The following THSD1 variants were observed in gnomAD, a reference collection of about 807,000 sequenced individuals.
The protein encoded by THSD1 is thrombospondin type-1 domain-containing protein 1.
A neutral mutation model predicts 46.3 loss-of-function variants in THSD1; 34 were observed. The ratio of observed to expected loss-of-function variants is 0.74; its 90% CI spans 0.56 to 0.98. The LOEUF (loss-of-function observed/expected upper bound fraction) is 0.98, where lower values mean the gene tolerates loss of function less well. Ranked by LOEUF, THSD1 falls within the 50% of genes least tolerant of loss-of-function variation. The probability of loss-of-function intolerance (pLI) is 0.00; values close to 1 mark genes in which losing one functional copy is unlikely to be tolerated. For missense variants in THSD1, 1,023 were observed against 1,058.3 expected (o/e 0.97, Z 0.46); for synonymous variants, 407 against 416.5 (o/e 0.98, Z 0.28).
At chr13:52,394,067 G>A (rs547190608) in intron 3 of THSD1, among the ~76,000 whole-genome samples, 2 of 152,178 alleles carry the variant, frequency 1.3e-5, no homozygotes, top group South Asian at 4.2e-4. Context: ...CCTCCACCTA[G>A]ACACACAGAG....
At chr13:52,403,236 A>G (rs1399455345) in intron 1 of THSD1, among the ~76,000 whole-genome samples, 1 of 152,194 alleles carries the variant, frequency 6.6e-6, no homozygotes, top group Admixed American at 6.5e-5. Flanking sequence ...TTTTTAAAAA[A>G]AAGATACCCC....
At chr13:52,385,296 G>A (rs949820379) in intron 4 of THSD1, among the ~76,000 whole-genome samples, 1 of 152,186 alleles carries the variant, frequency 6.6e-6, no homozygotes, top group South Asian at 2.1e-4. Context: ...GTCAGGAGGC[G>A]GGATGGTGTG....
intron 4 of THSD1, chr13:52,384,003 G>T (rs1482298381): frequency 2.3e-5 from 6 of 258,422 alleles, no homozygotes; most frequent in Non-Finnish European, 3.1e-5. Context: ...GGGAGTTCGA[G>T]ACTAGCCTGA....
intron 4 of THSD1, among the ~76,000 whole-genome samples, chr13:52,379,584 C>T (rs897810371): frequency 6.6e-6 from 1 of 152,088 alleles, no homozygotes; most frequent in African/African-American, 2.4e-5. Flanking sequence ...AAGTGATTCT[C>T]CCGCCTCAGC....
chr13:52,394,046 C>A (rs1482247350), intron 3 of THSD1, among the ~76,000 whole-genome samples: 1 of 152,104 alleles, frequency 6.6e-6, no homozygotes, highest in Non-Finnish European at 1.5e-5. Flanking sequence ...CCACAGGGAG[C>A]CCCTGACTAC....
intron 3 of THSD1, 64 bp from the exon 4 acceptor site, chr13:52,386,250 C>A: frequency 6.6e-7 from 1 of 1,513,064 alleles, no homozygotes; most frequent in Non-Finnish European, 9.0e-7. Context: ...TAACTGCACC[C>A]AAATGAAACA....
rs1159794379 is a variant in THSD1 at position 52,377,880 on chromosome 13, G to A, written c.2090C>T (p.Pro697Leu). The change falls in exon 5 of 5, where the codon CCT becomes CTT. Residue 697 changes from proline to leucine, a missense_variant. Pro to Leu is a moderately conservative substitution (Grantham distance 98). Around this residue, in one of 3 missense-constraint regions of THSD1, gnomAD observed 578 missense variants for 497.4 expected, o/e 1.16. Coordinates refer to ENST00000258613, the MANE Select transcript of THSD1 (RefSeq NM_018676.4). ...AAACAGGTGGGCACCTCGACTCTGA[G>A]GCCTAAATCTGTCCTCTGCCTGCTC... ...TCEQAEDRFR[P>L]QSRGAHLFPE... is the part of the protein sequence containing the mutation. The A allele has an allele frequency of 1.2e-6, 2 of 1,614,098 alleles. No individual in the cohort carries two copies. Among genetic ancestry groups the A allele is most frequent in the African/African-American group, 1.3e-5 (1 of 74,936 alleles).
At chr13:52,396,570 T>A (rs1957813933) in intron 3 of THSD1, among the ~76,000 whole-genome samples, 1 of 152,048 alleles carries the variant, frequency 6.6e-6, no homozygotes, top group Admixed American at 6.6e-5. Context: ...AACGAGACCA[T>A]TTCTGCCAAA....
At position 52,397,626 on chromosome 13, in the gene THSD1, C is replaced by T. The variant is rs144420262; in HGVS notation, c.627G>A (p.Leu209=). 5.7e-4 allele frequency: 917 copies of T among 1,614,034 alleles called. No individual in the cohort carries two copies. The highest frequency in any genetic ancestry group is 7.3e-4 in the Non-Finnish European group (860 of 1,180,022). Residue 209 remains leucine (L), a synonymous_variant, in exon 3 of 5, where the codon TTG becomes TTA. Coordinates refer to ENST00000258613, the MANE Select transcript of THSD1 (RefSeq NM_018676.4). ...CCACGGTGACATAGGCTTCTGGCCC[C>T]AAGGGTGCACAGCCAAACTCAACCC... ...GQWVEFGCAP[L]GPEAYVTVVL...
At chr13:52,401,324 G>T (rs1224469616) in intron 2 of THSD1, among the ~76,000 whole-genome samples, 3 of 147,434 alleles carry the variant, frequency 2.0e-5, no homozygotes, top group Non-Finnish European at 4.5e-5. Context: ...TTTTGAGACA[G>T]AGTCTCGCTC....
In THSD1 at chr13:52,398,152, T is replaced by C. The variant is rs1566075074; in HGVS notation, c.101A>G (p.His34Arg). Residue 34 changes from histidine to arginine, a missense_variant, in exon 3 of 5, where the codon CAT becomes CGT. Around this residue, in one of 3 missense-constraint regions of THSD1, gnomAD observed 429 missense variants for 518.3 expected, o/e 0.83. Coordinates refer to ENST00000258613, the MANE Select transcript of THSD1 (RefSeq NM_018676.4). The stretch of plus-strand genomic sequence containing the variant: ...CACTGTGTCGTTGCTTAGTGCTACA[T>C]GGCCTGGCTCTCTCAAGAGAAGATA... ...AEYLLLREPGHVALSNDTVYV... is the reference protein window; with the variant it reads ...AEYLLLREPGRVALSNDTVYV... The C allele has an allele frequency of 5.6e-6, 9 of 1,614,186 alleles. No individual in the cohort carries two copies. Among genetic ancestry groups the C allele is most frequent in the Non-Finnish European group, 7.6e-6 (9 of 1,180,010 alleles).
intron 3 of THSD1, among the ~76,000 whole-genome samples, chr13:52,392,807 C>A (rs539207316): frequency 6.6e-6 from 1 of 152,162 alleles, no homozygotes; most frequent in Non-Finnish European, 1.5e-5. Context: ...AAGGGAGTAG[C>A]TATAAGCAGT....
At chr13:52,378,863 CTTTTTT>C (rs368308011) in intron 4 of THSD1, 74 bp from the exon 5 acceptor site, 36 of 1,068,008 alleles carry the variant, frequency 3.4e-5, no homozygotes, top group Admixed American at 1.4e-4. Context: ...TTTTTCTTTT[CTTTTTT>C]TTTTTTTTTT....
Position 52,386,095 on chromosome 13 carries a change from G to A in THSD1, c.1113C>T (p.Phe371=). 6.2e-7 allele frequency: 1 copy of A among 1,614,134 alleles called. No homozygotes were observed. The highest frequency in any genetic ancestry group is 8.5e-7 in the Non-Finnish European group (1 of 1,180,024). Residue 371 remains phenylalanine (F), a synonymous_variant, in exon 4 of 5, where the codon TTC becomes TTT. Transcript: ENST00000258613. ...TTCCAGGGCAGACAGGACTGGAGGG[G>A]AAGGAAGTGAGACACACTCGGCGAC... ...RERRRVCLTS[F]PSSPVCPGMS...
intron 3 of THSD1, among the ~76,000 whole-genome samples, chr13:52,390,271 G>A (rs1957763864): frequency 6.6e-6 from 1 of 152,070 alleles, no homozygotes; most frequent in Non-Finnish European, 1.5e-5. Flanking sequence ...ATCCTTTATG[G>A]ACAGAAACTT....
chr13:52,387,695 T>C (rs1566964293), intron 3 of THSD1, among the ~76,000 whole-genome samples: 1 of 152,146 alleles, frequency 6.6e-6, no homozygotes, highest in Non-Finnish European at 1.5e-5. Context: ...AGAAGGCTCA[T>C]CAATAGACTT....
In THSD1 at chr13:52,398,039, C is replaced by T. The variant is rs368629595; in HGVS notation, c.214G>A (p.Val72Ile). The T allele has an allele frequency of 1.9e-6, 3 of 1,614,214 alleles. No homozygotes were observed. The highest frequency in any genetic ancestry group is 2.5e-6 in the Non-Finnish European group (3 of 1,180,052). The change falls in exon 3 of 5, where the codon GTA becomes ATA. Residue 72 changes from valine to isoleucine, a missense_variant. This residue lies in a region of THSD1 where 429 missense variants were observed against 518.3 expected (regional missense o/e 0.83). Transcript: ENST00000258613. ...TTGGTCAGGAGGTACTTGGTAGTTA[C>T]AGTCTGATTGGTGTTGGCCTCCAAC... ...LLLEANTNQT[V>I]TTKYLLTNQS...
chr13:52,397,325 T>G lies in THSD1; in HGVS notation c.928A>C (p.Met310Leu). 6.2e-7 allele frequency: 1 copy of G among 1,614,104 alleles called. No homozygotes were observed. Among genetic ancestry groups the G allele is most frequent in the South Asian group, 1.1e-5 (1 of 91,082 alleles). ...TCAAAGCAGTACTTATTCTTCCCCA[T>G]GTCAAACAAAGTACAGTTAAAAATT... Reference protein sequence around the residue: ...RTIFNCTLFDMGKNKYCFDFG... With the variant: ...RTIFNCTLFDLGKNKYCFDFG... The change falls in exon 3 of 5, where the codon ATG becomes CTG. Residue 310 changes from methionine to leucine, a missense_variant. Physicochemically the swap from Met to Leu is conservative, Grantham distance 15. Around this residue, in one of 3 missense-constraint regions of THSD1, gnomAD observed 429 missense variants for 518.3 expected, o/e 0.83. Coordinates refer to ENST00000258613, the MANE Select transcript of THSD1 (RefSeq NM_018676.4).
intron 3 of THSD1, among the ~76,000 whole-genome samples, chr13:52,396,975 C>T (rs1223300757): frequency 1.3e-5 from 2 of 152,168 alleles, no homozygotes; most frequent in East Asian, 1.9e-4. Flanking sequence ...ATGTTGATTT[C>T]GTTCAATCTC....
Sources: allele counts gnomAD v4.1 joint callset (sites outside exome capture counted in the v4.1 genomes callset), GRCh38; gene constraint gnomAD v4.1.1; regional missense constraint gnomAD v4.1.1; transcripts MANE v1.5; gene names NCBI Gene and HGNC (gene_info 2026-07-23, HGNC 2026-07-21).